The following ITPR1 variants were observed in gnomAD, a reference collection of about 807,000 sequenced individuals.
ITPR1 encodes the protein inositol 1,4,5-trisphosphate-gated calcium channel ITPR1.
In ITPR1, 96 loss-of-function variants were observed where a neutral mutation model predicts 318.4. That is an observed-to-expected ratio of 0.30 (90% CI 0.26 to 0.36). ITPR1 has a LOEUF of 0.36. Ranked by LOEUF, ITPR1 falls within the 10% of genes least tolerant of loss-of-function variation. The probability of loss-of-function intolerance (pLI) is 1.00; values close to 1 mark genes in which losing one functional copy is unlikely to be tolerated. For missense variants in ITPR1, 2,440 were observed against 3,460.2 expected, an observed-to-expected ratio of 0.71 and a Z score of 7.40; for synonymous variants, 1,312 against 1,289.9, an observed-to-expected ratio of 1.02 and a Z score of -0.37.
At position 4,670,550 on chromosome 3, in the gene ITPR1, G is replaced by A. The variant is rs1994500; in HGVS notation, c.2007-179G>A. Among the ~76,000 whole-genome samples, 81,143 of 152,004 alleles carry A rather than the reference G, an allele frequency of 0.53. 22,158 individuals carry two copies. Among genetic ancestry groups the A allele is most frequent in the Non-Finnish European group, 0.59 (39,889 of 67,970 alleles). On this transcript the variant is annotated intron_variant, in intron 19 of 61. Coordinates refer to ENST00000649015, the MANE Select transcript of ITPR1 (RefSeq NM_001378452.1). ...GTCCACTGGGGGCAGCAGCACCATA[G>A]TCGAGAACCACTGGGTTACAGTATA... is the stretch of plus-strand genomic sequence containing the variant.
intron 10 of ITPR1, among the ~76,000 whole-genome samples, chr3:4,650,231 G>A (rs918875192): frequency 6.6e-6 from 1 of 152,150 alleles, no homozygotes; most frequent in African/African-American, 2.4e-5. Flanking sequence ...ATGTTCTCAA[G>A]GTTCTTGGGA....
intron 54 of ITPR1, among the ~76,000 whole-genome samples, chr3:4,804,227 G>T (rs1260589965): frequency 1.3e-5 from 2 of 152,230 alleles, no homozygotes; most frequent in Non-Finnish European, 2.9e-5. Context: ...GAGAGGGAAA[G>T]TACCTGTGGA....
chr3:4,790,451 T>C (rs955488373), intron 52 of ITPR1, among the ~76,000 whole-genome samples: 5 of 152,270 alleles, frequency 3.3e-5, no homozygotes, highest in African/African-American at 1.2e-4. Flanking sequence ...TAAGCACAAC[T>C]GCAGTTGTCA....
chr3:4,687,947 TC>T (rs1390053375), intron 30 of ITPR1, among the ~76,000 whole-genome samples: 1 of 152,166 alleles, frequency 6.6e-6, no homozygotes, highest in Non-Finnish European at 1.5e-5. Flanking sequence ...GTCTAATAGG[TC>T]GGACAACTTA....
At chr3:4,603,780 T>C (rs1374604785) in intron 4 of ITPR1, among the ~76,000 whole-genome samples, 1 of 152,198 alleles carries the variant, frequency 6.6e-6, no homozygotes, top group Non-Finnish European at 1.5e-5. Flanking sequence ...TCTTTGCTAT[T>C]GTGAACAGCA....
At chr3:4,788,399 T>C (rs1364808725) in intron 52 of ITPR1, among the ~76,000 whole-genome samples, 1 of 152,218 alleles carries the variant, frequency 6.6e-6, no homozygotes, top group Non-Finnish European at 1.5e-5. Flanking sequence ...GGAAGACTTT[T>C]TGAATGCCTC....
At chr3:4,620,639 A>G (rs2092590642) in intron 4 of ITPR1, among the ~76,000 whole-genome samples, 2 of 146,248 alleles carry the variant, frequency 1.4e-5, no homozygotes, top group Admixed American at 6.8e-5. Flanking sequence ...TGGGTTTTGT[A>G]GAAGATGGAG....
At chr3:4,572,520 C>G (rs1267077566) in intron 4 of ITPR1, among the ~76,000 whole-genome samples, 1 of 152,002 alleles carries the variant, frequency 6.6e-6, no homozygotes, top group African/African-American at 2.4e-5. Flanking sequence ...AATTAGGATG[C>G]TTCATATTTT....
chr3:4,588,922 T>A (rs2090152021), intron 4 of ITPR1, among the ~76,000 whole-genome samples: 1 of 152,160 alleles, frequency 6.6e-6, no homozygotes, highest in South Asian at 2.1e-4. Flanking sequence ...ATAGTCCCAA[T>A]TTGCCTACTT....
At chr3:4,702,755 C>T in intron 35 of ITPR1, 75 bp from the exon 36 acceptor site, 2 of 1,476,582 alleles carry the variant, frequency 1.4e-6, no homozygotes, top group Non-Finnish European at 1.9e-6. Context: ...GACAATGTCT[C>T]TGTCTCTGAT....
chr3:4,673,086 C>T, intron 20 of ITPR1, 50 bp from the exon 21 acceptor site: 1 of 1,567,374 alleles, frequency 6.4e-7, no homozygotes, highest in Non-Finnish European at 8.7e-7. Context: ...CTTCATTCAT[C>T]CTGAATGATT....
chr3:4,589,273 G>A (rs1204083856), intron 4 of ITPR1, among the ~76,000 whole-genome samples: 3 of 152,206 alleles, frequency 2.0e-5, no homozygotes, highest in Non-Finnish European at 4.4e-5. Flanking sequence ...ACTGTTTGCA[G>A]TATAGTCTGA....
At chr3:4,762,347 A>G (rs1041659006) in intron 44 of ITPR1, among the ~76,000 whole-genome samples, 2 of 152,196 alleles carry the variant, frequency 1.3e-5, no homozygotes, top group African/African-American at 4.8e-5. Context: ...TTGAACCTTC[A>G]CAACCATCCA....
At chr3:4,571,326 T>G (rs2087960976) in intron 4 of ITPR1, among the ~76,000 whole-genome samples, 1 of 152,092 alleles carries the variant, frequency 6.6e-6, no homozygotes, top group East Asian at 1.9e-4. Flanking sequence ...TTTTTTCTCT[T>G]CTCTTCTCTT....
chr3:4,536,282 G>A (rs1354466727), intron 4 of ITPR1, among the ~76,000 whole-genome samples: 1 of 152,142 alleles, frequency 6.6e-6, no homozygotes, highest in Non-Finnish European at 1.5e-5. Flanking sequence ...TCAGTTTTAT[G>A]ATTTCAGCTT....
chr3:4,703,030 T>A, intron 36 of ITPR1, 80 bp downstream of exon 36: 1 of 1,453,048 alleles, frequency 6.9e-7, no homozygotes, highest in East Asian at 2.3e-5. Context: ...TATTGAGCAC[T>A]CATTACAACT....
At chr3:4,535,763 C>G (rs2124962735) in intron 4 of ITPR1, among the ~76,000 whole-genome samples, 1 of 152,086 alleles carries the variant, frequency 6.6e-6, no homozygotes, top group African/African-American at 2.4e-5. Context: ...TATTTTCTCT[C>G]CAAAATCTGG....
chr3:4,740,402 A>G (rs989398675), intron 44 of ITPR1, among the ~76,000 whole-genome samples: 4 of 152,180 alleles, frequency 2.6e-5, no homozygotes, highest in African/African-American at 9.7e-5. Context: ...GGATAAGCTC[A>G]CTGGGAATCA....
At chr3:4,695,084 C>T (rs1295448398) in intron 33 of ITPR1, among the ~76,000 whole-genome samples, 1 of 152,130 alleles carries the variant, frequency 6.6e-6, no homozygotes, top group Non-Finnish European at 1.5e-5. Flanking sequence ...TTTACAGTTG[C>T]ATAAAATGCC....
Sources: gnomAD v4.1 joint callset for allele counts (sites outside exome capture counted in the v4.1 genomes callset) on GRCh38, gnomAD v4.1.1 for gene constraint, MANE v1.5 for transcripts, NCBI Gene and HGNC (gene_info 2026-07-23, HGNC 2026-07-21) for gene names.